Variants in THSD4 observed in about 807,000 individuals in gnomAD.
THSD4 encodes thrombospondin type-1 domain-containing protein 4.
THSD4 carries 69 observed loss-of-function variants against 119.0 expected under a neutral mutation model. The observed-to-expected ratio is 0.58, with a 90% confidence interval of 0.48 to 0.71. THSD4 has a LOEUF of 0.71. Ranked by LOEUF, THSD4 falls within the 30% of genes least tolerant of loss-of-function variation. The probability of loss-of-function intolerance (pLI) is 0.00; values close to 1 mark genes in which losing one functional copy is unlikely to be tolerated. For missense variants in THSD4, 1,393 were observed against 1,391.1 expected, an observed-to-expected ratio of 1.00 and a Z score of -0.02; for synonymous variants, 524 against 540.4, an observed-to-expected ratio of 0.97 and a Z score of 0.42.
intron 4 of THSD4, among the ~76,000 whole-genome samples, chr15:71,220,882 T>C (rs1012083369): frequency 7.2e-5 from 11 of 152,118 alleles, no homozygotes; most frequent in African/African-American, 2.4e-4. Flanking sequence ...AGAAAAATCC[T>C]CCACAAAGGG....
chr15:71,165,130 C>T, intron 3 of THSD4: 2 of 1,609,758 alleles, frequency 1.2e-6, no homozygotes, highest in Non-Finnish European at 1.7e-6. Context: ...AAGGAGGCCT[C>T]TTGGGTGCAT....
At chr15:71,636,400 G>C (rs1301276084) in intron 7 of THSD4, among the ~76,000 whole-genome samples, 2 of 152,022 alleles carry the variant, frequency 1.3e-5, no homozygotes, top group Non-Finnish European at 2.9e-5. Flanking sequence ...TCCAGCCTGG[G>C]CAACAGAGCC....
chr15:71,570,597 G>A (rs550541796), intron 7 of THSD4, among the ~76,000 whole-genome samples: 12 of 152,032 alleles, frequency 7.9e-5, no homozygotes, highest in African/African-American at 2.2e-4. Flanking sequence ...TAGTAGAGAC[G>A]GAGTTTCACC....
At chr15:71,290,955 T>C (rs1347885530) in intron 6 of THSD4, among the ~76,000 whole-genome samples, 3 of 150,918 alleles carry the variant, frequency 2.0e-5, no homozygotes, top group African/African-American at 4.9e-5. Context: ...AAAAGACTTA[T>C]AATGAAAAAC....
At chr15:71,544,122 C>T (rs1385505616) in intron 7 of THSD4, among the ~76,000 whole-genome samples, 1 of 152,154 alleles carries the variant, frequency 6.6e-6, no homozygotes, top group Non-Finnish European at 1.5e-5. Flanking sequence ...AGAGAGGAGA[C>T]AGGGCCTAGA....
chr15:71,536,842 T>G (rs551943348), intron 7 of THSD4, among the ~76,000 whole-genome samples: 1 of 152,288 alleles, frequency 6.6e-6, no homozygotes, highest in South Asian at 2.1e-4. Flanking sequence ...CTCATTCTTT[T>G]GCGTGTAGAT....
intron 8 of THSD4, among the ~76,000 whole-genome samples, chr15:71,672,499 C>T (rs1011742307): frequency 2.0e-5 from 3 of 152,174 alleles, no homozygotes; most frequent in Non-Finnish European, 2.9e-5. Flanking sequence ...GGCCTGATTG[C>T]CCTGGCCAGA....
rs758592129 is a variant in THSD4 at position 71,728,673 on chromosome 15, C to T, written c.1482C>T (p.Ala494=). ...GTCCAAATGAGATTTCGAGCACTGC[C>T]GGAGAGTCCTTTTTGGCGGAAGGTC... ...YKRPNEISST[A]GESFLAEGPT... The change falls in exon 9 of 18, where the codon GCC becomes GCT. Residue 494 remains alanine (A), a synonymous_variant. Coordinates refer to ENST00000261862, the MANE Select transcript of THSD4 (RefSeq NM_024817.3). 54 of 1,614,056 alleles carry T rather than the reference C, an allele frequency of 3.3e-5. No homozygotes were observed. In the East Asian group the frequency reaches 6.7e-4, roughly 20 times the overall value.
At chr15:71,717,899 A>G (rs537035604) in intron 8 of THSD4, among the ~76,000 whole-genome samples, 4 of 152,328 alleles carry the variant, frequency 2.6e-5, no homozygotes, top group African/African-American at 9.6e-5. Flanking sequence ...CTGTAATCCC[A>G]GCATTTTGAG....
At position 71,235,659 on chromosome 15, in the gene THSD4, C is replaced by G. The variant is rs571796035; in HGVS notation, c.465-6990C>G. On this transcript the variant is annotated intron_variant, in intron 4 of 17. Transcript: ENST00000261862. ...CTGGCGTGCAGTGGCACGATCTCAG[C>G]TCACTGCCACCTCCGCCTCCCAGTT... 5.4e-4 allele frequency among the ~76,000 whole-genome samples: 81 copies of G among 148,628 alleles called. 2 individuals carry two copies. The South Asian group carries it at 0.016, about 30-fold the overall frequency.
intron 7 of THSD4, among the ~76,000 whole-genome samples, chr15:71,598,978 T>G (rs2049957905): frequency 6.6e-6 from 1 of 152,170 alleles, no homozygotes. Flanking sequence ...CACCCCAGCT[T>G]AAGTCCTGCC....
intron 5 of THSD4, among the ~76,000 whole-genome samples, chr15:71,255,910 A>C (rs1307943524): frequency 6.6e-6 from 1 of 152,164 alleles, no homozygotes; most frequent in Non-Finnish European, 1.5e-5. Flanking sequence ...ATGCAAGGGG[A>C]ATGGCATGAA....
intron 4 of THSD4, among the ~76,000 whole-genome samples, chr15:71,227,644 C>A (rs746613066): frequency 5.9e-5 from 9 of 152,188 alleles, no homozygotes; most frequent in Non-Finnish European, 1.0e-4. Context: ...ACAGAGGACA[C>A]TGAACTAAGG....
intron 7 of THSD4, among the ~76,000 whole-genome samples, chr15:71,437,960 T>A (rs759256138): frequency 3.9e-5 from 6 of 152,246 alleles, no homozygotes; most frequent in Non-Finnish European, 7.3e-5. Context: ...AAGCATCTTT[T>A]CACATGCTTC....
At chr15:71,729,071 G>T in intron 9 of THSD4, 1 of 260,438 alleles carries the variant, frequency 3.8e-6, no homozygotes, top group Non-Finnish European at 7.5e-6. Flanking sequence ...TGCTAATTTG[G>T]CATGTTTTCT....
At chr15:71,163,905 T>C (rs2043268843) in intron 3 of THSD4, among the ~76,000 whole-genome samples, 1 of 150,578 alleles carries the variant, frequency 6.6e-6, no homozygotes, top group Admixed American at 6.6e-5. Flanking sequence ...CTGCAAAATA[T>C]AACTGCCATT....
intron 6 of THSD4, among the ~76,000 whole-genome samples, chr15:71,370,275 A>G (rs1260802569): frequency 2.0e-5 from 3 of 152,008 alleles, no homozygotes; most frequent in Admixed American, 1.3e-4. Flanking sequence ...TTATGTCTCT[A>G]TCTCCTTCAG....
At chr15:71,511,010 G>C (rs928437235) in intron 7 of THSD4, among the ~76,000 whole-genome samples, 1 of 152,066 alleles carries the variant, frequency 6.6e-6, no homozygotes, top group Non-Finnish European at 1.5e-5. Context: ...TGAGAGGATG[G>C]CTGAGCTTAT....
At chr15:71,765,316 A>G (rs2053697433) in intron 16 of THSD4, 117 bp downstream of exon 16, 10 of 1,264,770 alleles carry the variant, frequency 7.9e-6, no homozygotes, top group Non-Finnish European at 1.1e-5. Flanking sequence ...CCCTACAGCA[A>G]TCTACCTTAG....
Sources: allele counts gnomAD v4.1 joint callset (sites outside exome capture counted in the v4.1 genomes callset), GRCh38; gene constraint gnomAD v4.1.1; transcripts MANE v1.5; gene names NCBI Gene and HGNC (gene_info 2026-07-23, HGNC 2026-07-21).